The following NCOA4 variants were observed in gnomAD, a reference collection of about 807,000 sequenced individuals.
The protein encoded by NCOA4 is nuclear receptor coactivator 4.
In NCOA4, 31 loss-of-function variants were observed where a neutral mutation model predicts 69.5. The observed-to-expected ratio is 0.45, with a 90% CI of 0.34 to 0.60. NCOA4 has a LOEUF of 0.60. Among genes scored for constraint, NCOA4 ranks in the 20% least tolerant of loss-of-function variants. NCOA4 has a pLI of 0.02. For synonymous variants in NCOA4, 228 were observed against 252.4 expected (o/e 0.90, Z 0.92); for missense variants, 600 against 719.2 (o/e 0.83, Z 1.90).
In NCOA4 at chr10:46,010,897, C is replaced by G. The variant is rs541767687; in HGVS notation, c.1024G>C (p.Val342Leu). 4.3e-5 allele frequency: 69 copies of G among 1,613,978 alleles called. 1 individual carries two copies. The South Asian group carries it at 7.5e-4, about 17-fold the overall frequency. The change falls in exon 8 of 10, where the codon GTC (valine) becomes CTC (leucine). Residue 342 changes from valine to leucine, a missense_variant. By Grantham distance (32) the Val-to-Leu change is conservative. Transcript: ENST00000581486. ...CAGTTGGTACAGGAGTCAGTCTTGA[C>G]AAGCCAATCATTCACATTATAGGAC... ...FQSYNVNDWL[V>L]KTDSCTNCQG...
intron 9 of NCOA4, among the ~76,000 whole-genome samples, chr10:46,008,467 A>T (rs1554920332): frequency 6.6e-6 from 1 of 152,230 alleles, no homozygotes; most frequent in Non-Finnish European, 1.5e-5. Context: ...TGGTGGAAAC[A>T]GCAAGAGAAG....
chr10:46,015,327 G>A, intron 2 of NCOA4, 61 bp from the exon 3 acceptor site: 3 of 841,640 alleles, frequency 3.6e-6, no homozygotes, highest in Non-Finnish European at 5.0e-6. Flanking sequence ...GTTTCCCAAA[G>A]AATAGTGAGT....
At chr10:46,025,558 CAGCT>C (rs1383989137) in intron 1 of NCOA4, among the ~76,000 whole-genome samples, 11 of 152,352 alleles carry the variant, frequency 7.2e-5, no homozygotes, top group Admixed American at 5.9e-4. Flanking sequence ...ATCTACTGGA[CAGCT>C]TTTCTATGCA....
At chr10:46,011,707 A>G (rs1195431684) in intron 7 of NCOA4, among the ~76,000 whole-genome samples, 1 of 152,158 alleles carries the variant, frequency 6.6e-6, no homozygotes, top group Admixed American at 6.5e-5. Context: ...AATAAAGCAC[A>G]AAAAATAAGC....
chr10:46,016,045 T>C (rs1564924279), intron 2 of NCOA4, among the ~76,000 whole-genome samples: 1 of 152,234 alleles, frequency 6.6e-6, no homozygotes, highest in Non-Finnish European at 1.5e-5. Flanking sequence ...ATACTTGGTC[T>C]AACACACACA....
Position 46,010,375 on chromosome 10 carries a change from C to T in NCOA4, c.1546G>A (p.Asp516Asn), listed in dbSNP as rs782311195. The change falls in exon 8 of 10, where the codon GAC (aspartate) becomes AAC (asparagine). Residue 516 changes from aspartate (D) to asparagine (N), a missense_variant. By Grantham distance (23) the Asp-to-Asn change is conservative. Transcript: ENST00000581486. ...GSPKEVPGTE[D>N]RAGKQKFKSP... The stretch of plus-strand genomic sequence containing the variant: ...TTAAACTTCTGTTTGCCAGCTCTGT[C>T]TTCAGTACCAGGCACTTCCTTGGGA... 1 of 1,614,042 alleles carries T rather than the reference C, an allele frequency of 6.2e-7. No individual in the cohort carries two copies. The highest frequency in any genetic ancestry group is 8.5e-7 in the Non-Finnish European group (1 of 1,180,034).
At chr10:46,024,732 G>C (rs1840066821) in intron 1 of NCOA4, among the ~76,000 whole-genome samples, 1 of 152,128 alleles carries the variant, frequency 6.6e-6, no homozygotes, top group South Asian at 2.1e-4. Flanking sequence ...AGGTTCTAAA[G>C]GGGAAAAATG....
rs566019531 is a variant in NCOA4 at position 46,005,264 on chromosome 10, C to T, written c.*1328G>A. On this transcript the variant is annotated 3_prime_UTR_variant, in exon 10 of 10. Coordinates refer to ENST00000581486, the MANE Select transcript of NCOA4 (RefSeq NM_001145263.2). The stretch of plus-strand genomic sequence containing the variant: ...TCAAGATAACTGGAAAGGCTCCTTA[C>T]ATTGTTTTTGCCCACCACCTTTATA... The T allele has an allele frequency of 2.3e-5, 5 of 214,126 alleles. No individual in the cohort carries two copies. In the South Asian group the frequency reaches 9.3e-4, roughly 40 times the overall value. The allele number at this position is 214,126 out of a possible 1,614,324, so 13.3% of individuals were successfully genotyped here. A position where few individuals can be genotyped will look rare whatever the true frequency, so the allele number is the denominator to read the frequency against.
chr10:46,015,879 G>A (rs1839512516), intron 2 of NCOA4, among the ~76,000 whole-genome samples: 1 of 152,086 alleles, frequency 6.6e-6, no homozygotes. Context: ...TAATATTTCT[G>A]GAAGCATAAA....
At chr10:46,021,670 A>T (rs1839873234) in intron 1 of NCOA4, among the ~76,000 whole-genome samples, 2 of 152,172 alleles carry the variant, frequency 1.3e-5, no homozygotes, top group South Asian at 4.1e-4. Flanking sequence ...ACTAACAAAA[A>T]TAGTACTGGC....
At chr10:46,013,513 T>A in intron 6 of NCOA4, 37 bp downstream of exon 6, 2 of 1,455,856 alleles carry the variant, frequency 1.4e-6, no homozygotes, top group Non-Finnish European at 1.9e-6. Flanking sequence ...ATAAGCCAAG[T>A]AATGACTCAA....
chr10:46,010,093 CG>C, intron 8 of NCOA4, 129 bp downstream of exon 8: 1 of 1,182,774 alleles, frequency 8.5e-7, no homozygotes, highest in South Asian at 1.6e-5. Context: ...GCTGGAGCCT[CG>C]GAAGGGGAGG....
Position 46,020,752 on chromosome 10 carries a change from G to A in NCOA4, c.-14-4058C>T, listed in dbSNP as rs1236437869. 2.0e-5 allele frequency among the ~76,000 whole-genome samples: 3 copies of A among 152,232 alleles called. No individual in the cohort carries two copies. The East Asian group carries it at 5.8e-4, about 29-fold the overall frequency. On this transcript the variant is annotated intron_variant, in intron 1 of 9. Transcript: ENST00000581486. ...ATACCAAGTATGGATATTTTTGACTGTTTTCTTACGTGTAGAAAGATTGGA... is the reference window on the plus strand; with the variant it reads ...ATACCAAGTATGGATATTTTTGACTATTTTCTTACGTGTAGAAAGATTGGA...
chr10:46,025,748 T>TC (rs561662630), intron 1 of NCOA4, among the ~76,000 whole-genome samples: 3 of 152,238 alleles, frequency 2.0e-5, no homozygotes, highest in Non-Finnish European at 2.9e-5. Context: ...GGCTGCTCCC[T>TC]CCTGCATTAC....
At chr10:46,019,352 G>A (rs1186839184) in intron 1 of NCOA4, 13 of 985,320 alleles carry the variant, frequency 1.3e-5, no homozygotes, top group African/African-American at 1.7e-5. Flanking sequence ...TGCCGGCTCC[G>A]ATTTGGAGAG....
At chr10:46,012,089 A>G (rs1590156739) in intron 7 of NCOA4, among the ~76,000 whole-genome samples, 2 of 140,724 alleles carry the variant, frequency 1.4e-5, no homozygotes, top group Non-Finnish European at 3.0e-5. Context: ...AAAAAAAAAA[A>G]AAAAAAAAAA....
rs1203557715 is a variant in NCOA4, at chr10:46,006,407, A to G, written c.*185T>C. ...AATCACCTCAGCATGAATAAACAGC[A>G]TTTTTCTTTTAAACAGTAACTCATA... On this transcript the variant is annotated 3_prime_UTR_variant, in exon 10 of 10. Coordinates refer to ENST00000581486, the MANE Select transcript of NCOA4 (RefSeq NM_001145263.2). 1.6e-5 allele frequency: 10 copies of G among 626,610 alleles called. No homozygotes were observed. The highest frequency in any genetic ancestry group is 1.1e-4 in the African/African-American group (6 of 54,776). 38.8% of individuals were successfully genotyped at this position (626,610 alleles called of 1,614,324 possible). A position where few individuals can be genotyped will look rare whatever the true frequency, so the allele number is the denominator to read the frequency against.
chr10:46,028,306 G>T (rs1383975812), intron 1 of NCOA4, among the ~76,000 whole-genome samples: 7 of 152,108 alleles, frequency 4.6e-5, no homozygotes, highest in Non-Finnish European at 1.0e-4. Context: ...CTGGCACGTA[G>T]CAACCATTTA....
chr10:46,021,210 T>C (rs546793073), intron 1 of NCOA4, among the ~76,000 whole-genome samples: 109 of 152,310 alleles, frequency 7.2e-4, no homozygotes, highest in Non-Finnish European at 1.4e-3. Flanking sequence ...ACCATAAAAT[T>C]TCCAAAGAGC....
Sources: allele counts gnomAD v4.1 joint callset (sites outside exome capture counted in the v4.1 genomes callset), GRCh38; gene constraint gnomAD v4.1.1; transcripts MANE v1.5; gene names NCBI Gene and HGNC (gene_info 2026-07-23, HGNC 2026-07-21).